The following MAPK8 variants were observed in gnomAD, a reference collection of about 807,000 sequenced individuals.
The protein encoded by MAPK8 is JUN N-terminal kinase.
Under a neutral mutation model 52.9 loss-of-function variants are expected in MAPK8, and 13 were observed. The ratio of observed to expected loss-of-function variants is 0.25; its 90% CI spans 0.16 to 0.39. The LOEUF is 0.39. Ranked by LOEUF, MAPK8 falls within the 10% of genes least tolerant of loss-of-function variation. The pLI is 1.00. For missense variants in MAPK8, 300 were observed against 519.2 expected, an observed-to-expected ratio of 0.58 and a Z score of 4.10; for synonymous variants, 191 against 169.8, an observed-to-expected ratio of 1.12 and a Z score of -0.97.
intron 1 of MAPK8, among the ~76,000 whole-genome samples, chr10:48,362,392 G>C (rs1407770196): frequency 6.6e-6 from 1 of 152,146 alleles, no homozygotes; most frequent in East Asian, 1.9e-4. Context: ...GATGAACTTT[G>C]AGTGTTTTAT....
chr10:48,313,576 G>A (rs977950636), intron 1 of MAPK8, among the ~76,000 whole-genome samples: 1 of 152,204 alleles, frequency 6.6e-6, no homozygotes, highest in Non-Finnish European at 1.5e-5. Flanking sequence ...AAATACGTTT[G>A]TACTAAACTT....
intron 1 of MAPK8, among the ~76,000 whole-genome samples, chr10:48,344,169 C>G (rs980768937): frequency 6.6e-6 from 1 of 152,168 alleles, no homozygotes; most frequent in Non-Finnish European, 1.5e-5. Flanking sequence ...TATGGGTCCC[C>G]TCTGTAACCA....
chr10:48,343,581 A>G (rs999729653), intron 1 of MAPK8, among the ~76,000 whole-genome samples: 4 of 152,194 alleles, frequency 2.6e-5, no homozygotes, highest in Non-Finnish European at 5.9e-5. Context: ...TTGATCAGCA[A>G]TGTCAGGTGT....
chr10:48,350,015 A>C (rs1214011812), intron 1 of MAPK8, among the ~76,000 whole-genome samples: 1 of 152,242 alleles, frequency 6.6e-6, no homozygotes, highest in Admixed American at 6.5e-5. Flanking sequence ...TAGAAAATCT[A>C]GAAGAAATGG....
intron 1 of MAPK8, among the ~76,000 whole-genome samples, chr10:48,361,421 A>G (rs539138389): frequency 3.9e-5 from 6 of 152,002 alleles, no homozygotes; most frequent in South Asian, 4.2e-4. Context: ...TTCTCCCCCA[A>G]TCTCTTACTG....
At chr10:48,307,721 T>G (rs1473957499) in intron 1 of MAPK8, among the ~76,000 whole-genome samples, 2 of 152,208 alleles carry the variant, frequency 1.3e-5, no homozygotes, top group African/African-American at 4.8e-5. Context: ...CAGCGATCTT[T>G]CCAGTAGAAT....
chr10:48,384,709 A>T (rs17010430), intron 1 of MAPK8, among the ~76,000 whole-genome samples: 6,658 of 152,308 alleles, frequency 0.044, 166 homozygotes, highest in African/African-American at 0.066. Context: ...ATAGGTCCAG[A>T]TTATTAGTAG....
chr10:48,367,193 G>T (rs1352367948), intron 1 of MAPK8, among the ~76,000 whole-genome samples: 1 of 151,958 alleles, frequency 6.6e-6, no homozygotes, highest in Non-Finnish European at 1.5e-5. Flanking sequence ...AACAGAATGA[G>T]ACCCCATCTA....
At chr10:48,345,751 G>A (rs886444397) in intron 1 of MAPK8, among the ~76,000 whole-genome samples, 2 of 152,196 alleles carry the variant, frequency 1.3e-5, no homozygotes, top group Non-Finnish European at 2.9e-5. Flanking sequence ...AAAGTCCTGA[G>A]TTTTCTTATT....
At chr10:48,428,535 TTTGA>T in intron 10 of MAPK8, among the ~76,000 whole-genome samples, 1 of 152,314 alleles carries the variant, frequency 6.6e-6, no homozygotes, top group South Asian at 2.1e-4. Context: ...TAAGCATGAA[TTTGA>T]TTCTTTCTTA....
At chr10:48,338,217 G>C (rs529851307) in intron 1 of MAPK8, among the ~76,000 whole-genome samples, 1 of 152,210 alleles carries the variant, frequency 6.6e-6, no homozygotes, top group South Asian at 2.1e-4. Context: ...CAAAATACTA[G>C]CAGACTGAAT....
At chr10:48,428,308 T>C (rs2043843264) in intron 10 of MAPK8, among the ~76,000 whole-genome samples, 3 of 152,214 alleles carry the variant, frequency 2.0e-5, no homozygotes, top group Non-Finnish European at 2.9e-5. Context: ...ATTTGTGTTA[T>C]TGTCCTTCAG....
At chr10:48,427,886 C>T (rs1409858716) in intron 10 of MAPK8, among the ~76,000 whole-genome samples, 2 of 152,192 alleles carry the variant, frequency 1.3e-5, no homozygotes, top group African/African-American at 4.8e-5. Flanking sequence ...ATATGTCACA[C>T]TTTATATATC....
intron 1 of MAPK8, among the ~76,000 whole-genome samples, chr10:48,313,599 T>G (rs1300065984): frequency 1.3e-5 from 2 of 152,280 alleles, no homozygotes; most frequent in African/African-American, 2.4e-5. Flanking sequence ...TTTAAAAACG[T>G]ATTTTTCACA....
At chr10:48,389,174 G>T (rs767384889) in intron 1 of MAPK8, among the ~76,000 whole-genome samples, 13 of 152,136 alleles carry the variant, frequency 8.5e-5, no homozygotes, top group Non-Finnish European at 1.5e-4. Context: ...AACTGAAATA[G>T]ATGCATTTGT....
chr10:48,329,438 C>T (rs1050156400), intron 1 of MAPK8, among the ~76,000 whole-genome samples: 3 of 151,868 alleles, frequency 2.0e-5, no homozygotes, highest in Non-Finnish European at 4.4e-5. Flanking sequence ...TTAGTTGGCC[C>T]TTTGCTGCAA....
intron 1 of MAPK8, chr10:48,308,062 C>CT (rs1379472199): frequency 6.6e-6 from 1 of 152,174 alleles, no homozygotes; most frequent in Non-Finnish European, 1.5e-5. Context: ...TATACAACAG[C>CT]TTTTATTTAT....
chr10:48,401,950 G>C (rs2042181115), intron 2 of MAPK8, among the ~76,000 whole-genome samples, 168 bp downstream of exon 2: 1 of 152,042 alleles, frequency 6.6e-6, no homozygotes, highest in African/African-American at 2.4e-5. Context: ...CAGGATCAAT[G>C]GTCTTTTCTT....
At chr10:48,428,984 G>C (rs952765783) in intron 10 of MAPK8, among the ~76,000 whole-genome samples, 1 of 142,710 alleles carries the variant, frequency 7.0e-6, no homozygotes, top group Non-Finnish European at 1.6e-5. Context: ...ACTGCACTTG[G>C]CTAATTTTGT....
Sources: gnomAD v4.1 joint callset for allele counts (sites outside exome capture counted in the v4.1 genomes callset) on GRCh38, gnomAD v4.1.1 for gene constraint, MANE v1.5 for transcripts, NCBI Gene and HGNC (gene_info 2026-07-23, HGNC 2026-07-21) for gene names.